Variants in SLC44A5 observed in about 807,000 individuals in gnomAD.
SLC44A5 encodes the protein solute carrier family 44 member 5.
In SLC44A5, 57 loss-of-function variants were observed where a neutral mutation model predicts 101.8. The ratio of observed to expected loss-of-function variants is 0.56; its 90% CI spans 0.45 to 0.70. The LOEUF is 0.70. SLC44A5 is among the 30% of genes least tolerant of loss of function. The probability of loss-of-function intolerance (pLI) is 0.00; values close to 1 mark genes in which losing one functional copy is unlikely to be tolerated. For missense variants in SLC44A5, 737 were observed against 853.1 expected (o/e 0.86, Z 1.70); for synonymous variants, 281 against 290.9 (o/e 0.97, Z 0.35).
Position 75,227,378 on chromosome 1 carries a change from C to A in SLC44A5, c.985+348G>T, listed in dbSNP as rs534965858. ...AGATCCTATCTCAGAAAATTAAATA[C>A]ATAAATAAATAAATAAATAAAAAGT... On this transcript the variant is annotated intron_variant, in intron 13 of 23. Coordinates refer to ENST00000370859, the MANE Select transcript of SLC44A5 (RefSeq NM_001130058.2). 1.3e-4 allele frequency among the ~76,000 whole-genome samples: 20 copies of A among 151,902 alleles called. No individual in the cohort carries two copies. In the South Asian group the frequency reaches 2.5e-3, roughly 19 times the overall value.
rs368475074 is a variant in SLC44A5, at chr1:75,576,640, C to T, written c.-70+34400G>A. Among the ~76,000 whole-genome samples the T allele has an allele frequency of 3.3e-5, 5 of 152,122 alleles. No homozygotes were observed. The East Asian group carries it at 5.8e-4, about 18-fold the overall frequency. ...GGCCTAAATGTTCCTTTAAAAAGAG[C>T]CATTTTAATCTAAGCTATCGCAAGT... On this transcript the variant is annotated intron_variant, in intron 1 of 23. Transcript: ENST00000370859.
intron 3 of SLC44A5, among the ~76,000 whole-genome samples, chr1:75,365,342 C>T (rs1354878207): frequency 6.6e-6 from 1 of 152,090 alleles, no homozygotes; most frequent in East Asian, 1.9e-4. Context: ...CTCTGGTAGG[C>T]CCCAGTGTAT....
intron 2 of SLC44A5, among the ~76,000 whole-genome samples, chr1:75,509,551 T>C (rs1669452576): frequency 6.6e-6 from 1 of 152,218 alleles, no homozygotes; most frequent in Non-Finnish European, 1.5e-5. Context: ...ATGGAAAAGA[T>C]ACCCAGTAAT....
At chr1:75,674,625 C>T in the SLC44A5 span, among the ~76,000 whole-genome samples, 21 of 20,270 alleles carry the variant, frequency 1.0e-3, no homozygotes, top group East Asian at 7.2e-3. Flanking sequence ...GGTGATCCCC[C>T]CCAACCTCAG....
chr1:75,675,763 A>G, the SLC44A5 span, among the ~76,000 whole-genome samples: 3 of 152,332 alleles, frequency 2.0e-5, no homozygotes, highest in East Asian at 5.8e-4. Flanking sequence ...CAGAGTGAAC[A>G]GACAACCTAT....
intron 3 of SLC44A5, among the ~76,000 whole-genome samples, chr1:75,354,781 C>T (rs1658947880): frequency 6.6e-6 from 1 of 152,130 alleles, no homozygotes; most frequent in Admixed American, 6.5e-5. Context: ...CTTTTTCTCC[C>T]AGGAATTTTC....
the SLC44A5 span, among the ~76,000 whole-genome samples, chr1:75,630,782 G>A: frequency 9.9e-5 from 15 of 152,254 alleles, no homozygotes; most frequent in East Asian, 2.9e-3. Context: ...TGCTTTAAGT[G>A]TATTTCACAG....
At chr1:75,244,477 ACACTAATAATTATTAGTG>A (rs1414655035) in intron 7 of SLC44A5, among the ~76,000 whole-genome samples, 1 of 152,090 alleles carries the variant, frequency 6.6e-6, no homozygotes, top group Non-Finnish European at 1.5e-5. Flanking sequence ...AACACCTATG[ACACTAATAATTATTAGTG>A]CCCGTGAATT....
chr1:75,224,704 AG>A (rs1557544562), intron 13 of SLC44A5, among the ~76,000 whole-genome samples: 1 of 151,960 alleles, frequency 6.6e-6, no homozygotes, highest in Non-Finnish European at 1.5e-5. Flanking sequence ...CCAAAGTGCT[AG>A]GATTATAGGC....
At chr1:75,376,503 C>T (rs1184093075) in intron 3 of SLC44A5, among the ~76,000 whole-genome samples, 2 of 152,248 alleles carry the variant, frequency 1.3e-5, no homozygotes, top group Non-Finnish European at 2.9e-5. Context: ...AACGGGCAGA[C>T]TGCCTCCTCA....
intron 3 of SLC44A5, among the ~76,000 whole-genome samples, chr1:75,351,163 G>GT (rs1477041622): frequency 6.6e-6 from 1 of 151,856 alleles, no homozygotes; most frequent in Non-Finnish European, 1.5e-5. Flanking sequence ...CTAGGAAGAT[G>GT]TAACAATTTT....
intron 1 of SLC44A5, among the ~76,000 whole-genome samples, chr1:75,569,744 C>T (rs2102032618): frequency 6.6e-6 from 1 of 152,284 alleles, no homozygotes; most frequent in African/African-American, 2.4e-5. Flanking sequence ...TAGTTGTCTG[C>T]TCTTCCATCT....
At chr1:75,446,847 G>A (rs1236642128) in intron 2 of SLC44A5, among the ~76,000 whole-genome samples, 1 of 152,028 alleles carries the variant, frequency 6.6e-6, no homozygotes, top group African/African-American at 2.4e-5. Context: ...CTTCCTAGTA[G>A]AATAGTTATT....
At chr1:75,267,987 A>G (rs1651140496) in intron 6 of SLC44A5, among the ~76,000 whole-genome samples, 1 of 152,236 alleles carries the variant, frequency 6.6e-6, no homozygotes, top group Non-Finnish European at 1.5e-5. Context: ...AAAATGTTAA[A>G]TGGATTCGGT....
chr1:75,221,190 T>C (rs1214806906), intron 14 of SLC44A5, among the ~76,000 whole-genome samples: 1 of 152,228 alleles, frequency 6.6e-6, no homozygotes, highest in Admixed American at 6.5e-5. Flanking sequence ...CAGGTGGCAC[T>C]ATTATAATAA....
At chr1:75,389,469 C>T (rs886791998) in intron 3 of SLC44A5, among the ~76,000 whole-genome samples, 1 of 152,204 alleles carries the variant, frequency 6.6e-6, no homozygotes, top group African/African-American at 2.4e-5. Flanking sequence ...TCACACTAGA[C>T]ATATTCTCAG....
chr1:75,396,662 G>T (rs368067972), intron 2 of SLC44A5, 41 bp from the exon 3 acceptor site: 140 of 1,508,604 alleles, frequency 9.3e-5, no homozygotes, highest in Non-Finnish European at 1.2e-4. Context: ...ATTTGTAGGG[G>T]CTGATGACTC....
intron 4 of SLC44A5, among the ~76,000 whole-genome samples, chr1:75,333,901 C>A (rs1344032406): frequency 6.6e-6 from 1 of 152,154 alleles, no homozygotes; most frequent in African/African-American, 2.4e-5. Context: ...TCATTGTAGT[C>A]ACACTTGAGT....
intron 2 of SLC44A5, among the ~76,000 whole-genome samples, chr1:75,403,256 G>T (rs1302765334): frequency 6.6e-6 from 1 of 152,340 alleles, no homozygotes; most frequent in South Asian, 2.1e-4. Flanking sequence ...AGAAGAGGCA[G>T]CTGCGGGCGC....
Sources: gnomAD v4.1 joint callset for allele counts (sites outside exome capture counted in the v4.1 genomes callset) on GRCh38, gnomAD v4.1.1 for gene constraint, MANE v1.5 for transcripts, NCBI Gene and HGNC (gene_info 2026-07-23, HGNC 2026-07-21) for gene names.